GON4L: variants seen among roughly 807,000 people sequenced by gnomAD.
GON4L encodes GON-4-like protein.
Under a neutral mutation model 211.8 loss-of-function variants are expected in GON4L, and 87 were observed. The observed-to-expected ratio is 0.41, with a 90% CI of 0.35 to 0.49. The LOEUF (loss-of-function observed/expected upper bound fraction) is 0.49, where lower values mean the gene tolerates loss of function less well. Ranked by LOEUF, GON4L falls within the 20% of genes least tolerant of loss-of-function variation. The probability of loss-of-function intolerance (pLI) is 0.15; values close to 1 mark genes in which losing one functional copy is unlikely to be tolerated. For missense variants in GON4L, 2,155 were observed against 2,659.5 expected, an observed-to-expected ratio of 0.81 and a Z score of 4.17; for synonymous variants, 875 against 962.6, an observed-to-expected ratio of 0.91 and a Z score of 1.68.
intron 13 of GON4L, chr1:155,784,830 G>A (rs917068092): frequency 6.8e-5 from 14 of 206,436 alleles, no homozygotes; most frequent in African/African-American, 2.5e-4. Flanking sequence ...AAGTTTTCCA[G>A]GGGCCAGGCA....
At chr1:155,754,864 G>C (rs1661006210) in intron 27 of GON4L, among the ~76,000 whole-genome samples, 1 of 148,612 alleles carries the variant, frequency 6.7e-6, no homozygotes, top group African/African-American at 2.5e-5. Context: ...CTAAAGTTGT[G>C]AGCCATATGA....
At chr1:155,781,150 A>AT (rs1024701642) in intron 14 of GON4L, among the ~76,000 whole-genome samples, 35 of 149,992 alleles carry the variant, frequency 2.3e-4, no homozygotes, top group African/African-American at 3.9e-4. Flanking sequence ...TATTACTATT[A>AT]TTTTTTTTTG....
At chr1:155,769,200 TCCTGG>T (rs1662897372) in intron 19 of GON4L, among the ~76,000 whole-genome samples, 1 of 152,134 alleles carries the variant, frequency 6.6e-6, no homozygotes, top group African/African-American at 2.4e-5. Context: ...GGTCTTGAAC[TCCTGG>T]CCTCAGGTCA....
At position 155,771,286 on chromosome 1, in the gene GON4L, C is replaced by A. The variant is rs1023261508; in HGVS notation, c.2496-69G>T. ...CTTCTAAAGGGTCTCCCCAGACTAA[C>A]ACATTTTACAATCTACTCTTTCATT... On this transcript the variant is annotated intron_variant, in intron 18 of 31. Coordinates refer to ENST00000368331, the MANE Select transcript of GON4L (RefSeq NM_001282860.2). The A allele has an allele frequency of 5.8e-5, 93 of 1,597,184 alleles. No homozygotes were observed. In the Middle Eastern group the frequency reaches 9.9e-4, roughly 17 times the overall value.
chr1:155,760,156 T>C (rs1661641993), intron 24 of GON4L, among the ~76,000 whole-genome samples: 1 of 151,902 alleles, frequency 6.6e-6, no homozygotes, highest in Non-Finnish European at 1.5e-5. Context: ...ATTTGTTAAA[T>C]GAATGTCTGG....
chr1:155,772,973 TATAC>T, intron 18 of GON4L, 89 bp downstream of exon 18: 15 of 1,503,214 alleles, frequency 1.0e-5, no homozygotes, highest in Non-Finnish European at 7.4e-6. Context: ...CGTGTCTTAT[TATAC>T]AAGTCTTACT....
downstream of GON4L, among the ~76,000 whole-genome samples, chr1:155,745,574 C>T (rs919115210): frequency 2.0e-5 from 3 of 152,252 alleles, no homozygotes; most frequent in African/African-American, 2.4e-5. Flanking sequence ...GCGCCCACCC[C>T]GCTCCAGCGT....
In GON4L at chr1:155,766,153, G is replaced by A; in HGVS notation, c.3320C>T (p.Pro1107Leu). The A allele has an allele frequency of 1.2e-6, 2 of 1,614,146 alleles. No individual in the cohort carries two copies. Among genetic ancestry groups the A allele is most frequent in the Non-Finnish European group, 1.7e-6 (2 of 1,180,034 alleles). ...VPKVMLPSLA[P>L]SKFRKPYVRR... is the part of the protein sequence containing the mutation. ...CACATATGGCTTTCGAAACTTAGAA[G>A]GGGCAAGGGAGGGCAGCATTACCTT... The change falls in exon 21 of 32, where the codon CCT (proline) becomes CTT (leucine). Residue 1107 changes from proline to leucine, a missense_variant. Coordinates refer to ENST00000368331, the MANE Select transcript of GON4L (RefSeq NM_001282860.2).
intron 2 of GON4L, among the ~76,000 whole-genome samples, chr1:155,843,675 G>T (rs1036835809): frequency 2.0e-5 from 3 of 152,114 alleles, no homozygotes; most frequent in Non-Finnish European, 4.4e-5. Flanking sequence ...GGTAAACAAG[G>T]AGACTATACA....
At chr1:155,843,204 G>A (rs886403623) in intron 2 of GON4L, among the ~76,000 whole-genome samples, 1 of 152,112 alleles carries the variant, frequency 6.6e-6, no homozygotes, top group South Asian at 2.1e-4. Context: ...CTTGCTCCCT[G>A]CTCCTAATCA....
At chr1:155,771,292 T>C in intron 18 of GON4L, 75 bp from the exon 19 acceptor site, 1 of 1,592,416 alleles carries the variant, frequency 6.3e-7, no homozygotes, top group Non-Finnish European at 8.6e-7. Context: ...CTAACACATT[T>C]TACAATCTAC....
intron 10 of GON4L, among the ~76,000 whole-genome samples, chr1:155,805,750 T>C (rs903031911): frequency 4.0e-5 from 6 of 151,802 alleles, no homozygotes; most frequent in Admixed American, 2.6e-4. Flanking sequence ...AATGCAGTGG[T>C]GCCATCTCGG....
At chr1:155,750,775 T>C (rs1352020491) in intron 31 of GON4L, 42 bp from the exon 32 acceptor site, 1 of 1,544,170 alleles carries the variant, frequency 6.5e-7, no homozygotes, top group East Asian at 2.4e-5. Context: ...CTTTTTTTTT[T>C]GTTTTTGAGA....
chr1:155,833,420 C>T (rs543175398), intron 2 of GON4L, among the ~76,000 whole-genome samples: 9 of 151,872 alleles, frequency 5.9e-5, no homozygotes, highest in Non-Finnish European at 1.3e-4. Flanking sequence ...GAGGCCGAGG[C>T]GGGCAGATCA....
chr1:155,853,661 C>G lies in GON4L; in HGVS notation c.120G>C (p.Lys40Asn), dbSNP rs984172080. Residue 40 changes from lysine (K) to asparagine (N), a missense_variant, in exon 2 of 32, where the codon AAG (lysine) becomes AAC (asparagine). Coordinates refer to ENST00000368331, the MANE Select transcript of GON4L (RefSeq NM_001282860.2). ...AGGATAGTGACACCGAACTCAAGTC[C>G]TTAACCTGGTCAGATTCTGGTTTAA... ...SAVKPESDQV[K>N]DLSSVSLSWD... The G allele has an allele frequency of 6.2e-7, 1 of 1,613,806 alleles. No individual in the cohort carries two copies. The highest frequency in any genetic ancestry group is 8.5e-7 in the Non-Finnish European group (1 of 1,179,832).
chr1:155,795,203 A>G, intron 11 of GON4L, 52 bp from the exon 12 acceptor site: 1 of 993,416 alleles, frequency 1.0e-6, no homozygotes, highest in South Asian at 1.3e-5. Flanking sequence ...TCAAACTTCT[A>G]AGAATCTGTT....
chr1:155,814,380 G>A lies in GON4L; in HGVS notation c.1231C>T (p.Gln411Ter). ...TCTGTTTCAGTCATCTCAGAAGACT[G>A]CCTCAATCTGGATTTCTTTGCCCCA... ...PRGAKKSRLR[Q>*]SSEMTETDEE... The change falls in exon 9 of 32, where the codon CAG becomes TAG. Residue 411 changes from glutamine to a stop codon, truncating the protein, a stop_gained. Coordinates refer to ENST00000368331, the MANE Select transcript of GON4L (RefSeq NM_001282860.2). LOFTEE classifies it high-confidence loss of function. 1.2e-6 allele frequency: 2 copies of A among 1,612,772 alleles called. No individual in the cohort carries two copies. Among genetic ancestry groups the A allele is most frequent in the Non-Finnish European group, 1.7e-6 (2 of 1,178,840 alleles).
intron 12 of GON4L, among the ~76,000 whole-genome samples, chr1:155,789,903 T>A (rs12141235): frequency 1.8e-3 from 279 of 152,286 alleles, no homozygotes; most frequent in Middle Eastern, 3.4e-3. Context: ...TATCACCTAA[T>A]ACAATGTAAA....
chr1:155,772,681 T>A (rs1001689886), intron 18 of GON4L, among the ~76,000 whole-genome samples: 1 of 151,886 alleles, frequency 6.6e-6, no homozygotes, highest in Non-Finnish European at 1.5e-5. Flanking sequence ...GATCGCTTGA[T>A]GTCAGGAGTT....
Sources: allele counts gnomAD v4.1 joint callset (sites outside exome capture counted in the v4.1 genomes callset), GRCh38; gene constraint gnomAD v4.1.1; transcripts MANE v1.5; gene names NCBI Gene and HGNC (gene_info 2026-07-23, HGNC 2026-07-21).